SSBP2: variants seen among roughly 807,000 people sequenced by gnomAD.
SSBP2 encodes the protein single-stranded DNA-binding protein 2.
A neutral mutation model predicts 61.8 loss-of-function variants in SSBP2; 17 were observed. That is an observed-to-expected ratio of 0.28 (90% CI 0.19 to 0.41). The LOEUF (loss-of-function observed/expected upper bound fraction) is 0.41. Ranked by LOEUF, SSBP2 falls within the 10% of genes least tolerant of loss-of-function variation. The pLI is 1.00. For synonymous variants in SSBP2, 139 were observed against 141.3 expected, an observed-to-expected ratio of 0.98 and a Z score of 0.12; for missense variants, 310 against 458.7, an observed-to-expected ratio of 0.68 and a Z score of 2.96.
intron 1 of SSBP2, among the ~76,000 whole-genome samples, chr5:81,741,964 G>A (rs934412661): frequency 1.3e-5 from 2 of 152,060 alleles, no homozygotes; most frequent in Admixed American, 1.3e-4. Flanking sequence ...TTATAAAAGA[G>A]GCAGCTGTAG....
At chr5:81,623,135 C>T (rs75419005) in intron 3 of SSBP2, among the ~76,000 whole-genome samples, 6,596 of 152,110 alleles carry the variant, frequency 0.043, 178 homozygotes, top group African/African-American at 0.077. Context: ...TAAAGAACTT[C>T]AAAGATCTTA....
intron 4 of SSBP2, among the ~76,000 whole-genome samples, chr5:81,532,923 A>G (rs1338633793): frequency 6.6e-6 from 1 of 151,964 alleles, no homozygotes; most frequent in Non-Finnish European, 1.5e-5. Flanking sequence ...AAAGAAATAG[A>G]CAAGTTTGCA....
intron 4 of SSBP2, 100 bp from the exon 5 acceptor site, chr5:81,513,817 C>G: frequency 1.4e-6 from 1 of 694,320 alleles, no homozygotes; most frequent in Non-Finnish European, 2.5e-6. Context: ...CTCTTTCATG[C>G]CTGGGAACAA....
intron 2 of SSBP2, among the ~76,000 whole-genome samples, chr5:81,649,748 A>C (rs1749572250): frequency 6.6e-6 from 1 of 151,954 alleles, no homozygotes; most frequent in Non-Finnish European, 1.5e-5. Flanking sequence ...ACAAACCTGC[A>C]CAAGTACCTC....
At chr5:81,622,307 G>A (rs1040552697) in intron 3 of SSBP2, among the ~76,000 whole-genome samples, 10 of 152,080 alleles carry the variant, frequency 6.6e-5, no homozygotes, top group Non-Finnish European at 1.3e-4. Flanking sequence ...GAAAGCAAAT[G>A]TTTTAAAGTG....
chr5:81,509,812 A>C (rs1209568549), intron 5 of SSBP2, among the ~76,000 whole-genome samples: 1 of 152,198 alleles, frequency 6.6e-6, no homozygotes, highest in Non-Finnish European at 1.5e-5. Context: ...ACTTATCCAG[A>C]GACCCAAAGT....
At chr5:81,599,149 C>T (rs911336570) in intron 4 of SSBP2, among the ~76,000 whole-genome samples, 1 of 152,136 alleles carries the variant, frequency 6.6e-6, no homozygotes, top group African/African-American at 2.4e-5. Flanking sequence ...AACTGAGTCT[C>T]TGCCAGTGGG....
chr5:81,583,355 C>T (rs576622200), intron 4 of SSBP2, among the ~76,000 whole-genome samples: 42 of 152,124 alleles, frequency 2.8e-4, no homozygotes, highest in Admixed American at 8.5e-4. Context: ...TGAGGCTGGG[C>T]GCAGTGGCTC....
intron 4 of SSBP2, among the ~76,000 whole-genome samples, chr5:81,602,505 T>C (rs764433846): frequency 6.6e-6 from 1 of 152,086 alleles, no homozygotes; most frequent in African/African-American, 2.4e-5. Flanking sequence ...GATGGCCTTT[T>C]GTGTGTCTGA....
chr5:81,545,039 C>G (rs1185916225), intron 4 of SSBP2, among the ~76,000 whole-genome samples: 1 of 152,158 alleles, frequency 6.6e-6, no homozygotes, highest in Non-Finnish European at 1.5e-5. Context: ...CAAAGTAGAG[C>G]CACCCACCTC....
At chr5:81,659,569 C>T (rs1750512987) in intron 1 of SSBP2, among the ~76,000 whole-genome samples, 1 of 152,078 alleles carries the variant, frequency 6.6e-6, no homozygotes, top group Non-Finnish European at 1.5e-5. Flanking sequence ...GAATCATTAT[C>T]ATGAAAATGG....
At chr5:81,732,869 T>C (rs1756359925) in intron 1 of SSBP2, among the ~76,000 whole-genome samples, 1 of 152,226 alleles carries the variant, frequency 6.6e-6, no homozygotes, top group Non-Finnish European at 1.5e-5. Context: ...GCTGCTCAGC[T>C]ATTTTGGAAG....
At chr5:81,730,642 CAT>C (rs2153990176) in intron 1 of SSBP2, among the ~76,000 whole-genome samples, 1 of 152,296 alleles carries the variant, frequency 6.6e-6, no homozygotes, top group South Asian at 2.1e-4. Context: ...TAATATAAGT[CAT>C]AATATAAATT....
intron 4 of SSBP2, among the ~76,000 whole-genome samples, chr5:81,542,815 G>GTT (rs1428904892): frequency 1.6e-5 from 1 of 61,438 alleles, no homozygotes; most frequent in African/African-American, 1.3e-4. Context: ...GTATTTGACA[G>GTT]TTTCTCTCTC....
chr5:81,713,275 A>T (rs2153943958), intron 1 of SSBP2, among the ~76,000 whole-genome samples: 1 of 152,136 alleles, frequency 6.6e-6, no homozygotes, highest in South Asian at 2.1e-4. Flanking sequence ...TCTGTTTAAA[A>T]ATCTGTAAGA....
At chr5:81,536,172 A>AAAC (rs1349998509) in intron 4 of SSBP2, among the ~76,000 whole-genome samples, 116 of 152,310 alleles carry the variant, frequency 7.6e-4, no homozygotes, top group African/African-American at 2.6e-3. Flanking sequence ...ATGCAAATTA[A>AAAC]AACGAGATTC....
chr5:81,540,618 C>A (rs543366042), intron 4 of SSBP2, among the ~76,000 whole-genome samples: 59 of 152,024 alleles, frequency 3.9e-4, no homozygotes, highest in African/African-American at 1.3e-3. Flanking sequence ...TGATTAAGTT[C>A]TTTGTAGATT....
chr5:81,657,967 T>C (rs868044905), intron 1 of SSBP2, among the ~76,000 whole-genome samples: 1 of 152,180 alleles, frequency 6.6e-6, no homozygotes, highest in Non-Finnish European at 1.5e-5. Context: ...TACAACATGA[T>C]GTCTTGATAC....
intron 1 of SSBP2, among the ~76,000 whole-genome samples, chr5:81,660,939 TA>T (rs1750632053): frequency 6.7e-6 from 1 of 149,010 alleles, no homozygotes. Context: ...TTCTCAGTCA[TA>T]AGTGGGAGTT....
Sources: allele counts gnomAD v4.1 joint callset (sites outside exome capture counted in the v4.1 genomes callset), GRCh38; gene constraint gnomAD v4.1.1; transcripts MANE v1.5; gene names NCBI Gene and HGNC (gene_info 2026-07-23, HGNC 2026-07-21).